The following WDR49 variants were observed in gnomAD, a reference collection of about 807,000 sequenced individuals.
WDR49 encodes the protein cilia- and flagella-associated protein 337.
Under a neutral mutation model 119.5 loss-of-function variants are expected in WDR49, and 107 were observed. The ratio of observed to expected loss-of-function variants is 0.90; its 90% CI spans 0.77 to 1.05. WDR49 has a LOEUF of 1.05. Ranked by LOEUF, WDR49 falls within the 50% of genes least tolerant of loss-of-function variation. WDR49 has a pLI of 0.00. For synonymous variants in WDR49, 425 were observed against 418.8 expected (o/e 1.01, Z -0.18); for missense variants, 1,240 against 1,220.5 (o/e 1.02, Z -0.24).
intron 18 of WDR49, among the ~76,000 whole-genome samples, chr3:167,492,401 C>T (rs942765159): frequency 7.2e-5 from 11 of 152,090 alleles, no homozygotes; most frequent in African/African-American, 2.4e-4. Context: ...CATCTAGGCT[C>T]TACCTTTACT....
intron 8 of WDR49, among the ~76,000 whole-genome samples, chr3:167,566,320 T>G (rs1713593686): frequency 6.6e-6 from 1 of 152,176 alleles, no homozygotes; most frequent in Admixed American, 6.5e-5. Flanking sequence ...TAACAAAAAC[T>G]GCTGGAACCA....
intron 8 of WDR49, among the ~76,000 whole-genome samples, chr3:167,573,130 G>C (rs541908342): frequency 1.3e-5 from 2 of 152,266 alleles, no homozygotes; most frequent in African/African-American, 4.8e-5. Flanking sequence ...CTGGCAGCAT[G>C]GGAGACAAGA....
intron 5 of WDR49, among the ~76,000 whole-genome samples, chr3:167,619,393 CT>C (rs1290796996): frequency 6.6e-6 from 1 of 152,032 alleles, no homozygotes; most frequent in Admixed American, 6.6e-5. Context: ...AAACTGTCAT[CT>C]TTTGTTTTTC....
At chr3:167,483,366 C>A (rs182602575) in intron 18 of WDR49, among the ~76,000 whole-genome samples, 4 of 152,250 alleles carry the variant, frequency 2.6e-5, no homozygotes, top group Admixed American at 2.6e-4. Flanking sequence ...ATTTGTCTCT[C>A]AACTAGACGA....
At chr3:167,610,136 C>A (rs1716274884) in intron 5 of WDR49, among the ~76,000 whole-genome samples, 1 of 152,196 alleles carries the variant, frequency 6.6e-6, no homozygotes, top group Non-Finnish European at 1.5e-5. Flanking sequence ...GGAAAAACTC[C>A]TCCTGCTTGA....
intron 7 of WDR49, among the ~76,000 whole-genome samples, chr3:167,589,708 GATT>G (rs1715008761): frequency 6.6e-6 from 1 of 151,890 alleles, no homozygotes. Context: ...TTCTAAACGG[GATT>G]ATTTTCTTGA....
intron 10 of WDR49, among the ~76,000 whole-genome samples, chr3:167,543,122 A>T (rs1711944042): frequency 6.6e-6 from 1 of 152,036 alleles, no homozygotes; most frequent in Non-Finnish European, 1.5e-5. Context: ...ACAGACCAAT[A>T]ACAAGTAGTG....
rs1466102437 is a variant in WDR49, at chr3:167,653,262, T to A, written c.164A>T (p.Glu55Val). The A allele has an allele frequency of 6.5e-7, 1 of 1,536,170 alleles. No homozygotes were observed. ...CTGGTCAATAAGCTTCACACTTACC[T>A]CAAAGGCCTTCTGTATTTTTACAAA... is the stretch of plus-strand genomic sequence containing the variant. ...GDFVKIQKAF[E>V]SPQPRKIICM... is the part of the protein sequence containing the mutation. The change falls in exon 2 of 19, where the codon GAG (glutamate) becomes GTG (valine). Residue 55 changes from glutamate to valine, a missense_variant and splice_region_variant. By Grantham distance (121) the Glu-to-Val change is moderately radical. Coordinates refer to ENST00000682715, the MANE Select transcript of WDR49 (RefSeq NM_001366157.1).
intron 3 of WDR49, 66 bp from the exon 4 acceptor site, chr3:167,621,709 C>T: frequency 7.1e-7 from 1 of 1,403,240 alleles, no homozygotes; most frequent in East Asian, 2.5e-5. Context: ...ATATGCAAAG[C>T]AGACACGCCA....
chr3:167,577,706 A>G (rs879691360), intron 7 of WDR49, among the ~76,000 whole-genome samples: 1 of 152,182 alleles, frequency 6.6e-6, no homozygotes, highest in Non-Finnish European at 1.5e-5. Context: ...AAAAGCAGAA[A>G]ACAATATTTC....
chr3:167,520,423 C>T (rs1752396953), intron 16 of WDR49, among the ~76,000 whole-genome samples: 1 of 152,030 alleles, frequency 6.6e-6, no homozygotes, highest in African/African-American at 2.4e-5. Context: ...ATTTCTTCAT[C>T]TGTAAGATTG....
intron 15 of WDR49, among the ~76,000 whole-genome samples, chr3:167,524,613 A>G (rs1348862698): frequency 2.0e-5 from 3 of 152,028 alleles, no homozygotes; most frequent in East Asian, 3.9e-4. Context: ...CAATTTCTGT[A>G]TTCTGCTTAT....
At chr3:167,557,736 G>A (rs1407296949) in intron 9 of WDR49, among the ~76,000 whole-genome samples, 2 of 141,156 alleles carry the variant, frequency 1.4e-5, no homozygotes, top group African/African-American at 5.3e-5. Context: ...CTGGGCAACA[G>A]AGCGAGACTC....
At chr3:167,586,613 C>G (rs930440883) in intron 7 of WDR49, among the ~76,000 whole-genome samples, 1 of 152,132 alleles carries the variant, frequency 6.6e-6, no homozygotes, top group Non-Finnish European at 1.5e-5. Flanking sequence ...TAACCCCAGT[C>G]CTATAAAATA....
At chr3:167,647,753 A>G (rs1229144386) in intron 2 of WDR49, among the ~76,000 whole-genome samples, 2 of 152,204 alleles carry the variant, frequency 1.3e-5, no homozygotes, top group Admixed American at 1.3e-4. Context: ...TATACAGGTG[A>G]GACTAAGCTT....
intron 10 of WDR49, among the ~76,000 whole-genome samples, chr3:167,553,311 C>T (rs572728616): frequency 6.6e-6 from 1 of 152,078 alleles, no homozygotes; most frequent in East Asian, 1.9e-4. Flanking sequence ...TACTCTCATA[C>T]CAGTTTTTCC....
At chr3:167,512,376 G>A (rs1336788438) in intron 16 of WDR49, among the ~76,000 whole-genome samples, 1 of 152,154 alleles carries the variant, frequency 6.6e-6, no homozygotes, top group Non-Finnish European at 1.5e-5. Flanking sequence ...CTCTACAGAA[G>A]AGGGGCCTTA....
At chr3:167,639,128 CA>C (rs1717756649) in intron 2 of WDR49, among the ~76,000 whole-genome samples, 1 of 151,684 alleles carries the variant, frequency 6.6e-6, no homozygotes, top group Admixed American at 6.6e-5. Flanking sequence ...TAAGCCTGAC[CA>C]GTGAAATAGT....
intron 7 of WDR49, among the ~76,000 whole-genome samples, chr3:167,590,830 A>G (rs978121208): frequency 6.6e-6 from 1 of 151,762 alleles, no homozygotes; most frequent in African/African-American, 2.4e-5. Context: ...TGGCTAAGTT[A>G]GTCTGGCTAA....
Sources: allele counts gnomAD v4.1 joint callset (sites outside exome capture counted in the v4.1 genomes callset), GRCh38; gene constraint gnomAD v4.1.1; transcripts MANE v1.5; gene names NCBI Gene and HGNC (gene_info 2026-07-23, HGNC 2026-07-21).